The following ZNF385B variants were observed in gnomAD, a reference collection of about 807,000 sequenced individuals.
The protein encoded by ZNF385B is zinc finger protein 533.
Under a neutral mutation model 39.2 loss-of-function variants are expected in ZNF385B, and 23 were observed. That is an observed-to-expected ratio of 0.59 (90% confidence interval 0.42 to 0.83). The LOEUF (loss-of-function observed/expected upper bound fraction) is 0.83, where lower values mean the gene tolerates loss of function less well. Ranked by LOEUF, ZNF385B falls within the 40% of genes least tolerant of loss-of-function variation. The pLI, the probability that ZNF385B is intolerant of heterozygous loss-of-function variation, is 0.00. For missense variants in ZNF385B, 552 were observed against 598.9 expected (o/e 0.92, Z 0.82); for synonymous variants, 205 against 222.6 (o/e 0.92, Z 0.70).
chr2:179,684,046 T>C (rs1055840412), intron 3 of ZNF385B, among the ~76,000 whole-genome samples: 2 of 152,188 alleles, frequency 1.3e-5, no homozygotes, highest in Non-Finnish European at 2.9e-5. Flanking sequence ...TTCTCATTTC[T>C]GAAAGATGGA....
At chr2:179,661,445 G>A (rs1694461574) in intron 3 of ZNF385B, among the ~76,000 whole-genome samples, 1 of 152,150 alleles carries the variant, frequency 6.6e-6, no homozygotes, top group Admixed American at 6.6e-5. Context: ...AGACTTCTCA[G>A]CCTCTATAAT....
intron 3 of ZNF385B, among the ~76,000 whole-genome samples, chr2:179,683,477 ATT>A (rs769818144): frequency 2.9e-4 from 41 of 141,100 alleles, no homozygotes; most frequent in Admixed American, 3.6e-4. Flanking sequence ...ACATTTTTGA[ATT>A]TTTTTTTTTT....
intron 5 of ZNF385B, among the ~76,000 whole-genome samples, chr2:179,516,844 G>C (rs1419761805): frequency 1.3e-5 from 2 of 149,768 alleles, no homozygotes; most frequent in African/African-American, 4.8e-5. Flanking sequence ...ATTTTCTACT[G>C]TTTTCATCTA....
intron 4 of ZNF385B, among the ~76,000 whole-genome samples, chr2:179,523,989 G>C (rs1174893031): frequency 1.3e-5 from 2 of 151,510 alleles, no homozygotes; most frequent in Non-Finnish European, 2.9e-5. Flanking sequence ...ATAGAGACAG[G>C]GTCTCACTAT....
chr2:179,814,182 C>T (rs373155612), intron 1 of ZNF385B: 188 of 170,618 alleles, frequency 1.1e-3, no homozygotes, highest in African/African-American at 4.2e-3. Context: ...AGTGAGGGGC[C>T]GGCTGTGCTT....
intron 5 of ZNF385B, among the ~76,000 whole-genome samples, chr2:179,506,100 A>G (rs879049058): frequency 6.6e-6 from 1 of 152,100 alleles, no homozygotes; most frequent in Admixed American, 6.5e-5. Flanking sequence ...CTCTACATCC[A>G]TTTAGTATAA....
intron 3 of ZNF385B, among the ~76,000 whole-genome samples, chr2:179,765,929 C>T (rs922685550): frequency 4.6e-5 from 7 of 151,908 alleles, no homozygotes; most frequent in Non-Finnish European, 8.8e-5. Flanking sequence ...CTCTCTTTCA[C>T]CGCCCAGAGT....
At chr2:179,503,049 A>AT (rs2056908275) in intron 5 of ZNF385B, among the ~76,000 whole-genome samples, 1 of 151,944 alleles carries the variant, frequency 6.6e-6, no homozygotes, top group Non-Finnish European at 1.5e-5. Context: ...TAATTTTTGT[A>AT]TTTTTTATAG....
intron 3 of ZNF385B, among the ~76,000 whole-genome samples, chr2:179,745,496 A>T (rs186175766): frequency 1.3e-5 from 2 of 152,314 alleles, no homozygotes; most frequent in Admixed American, 1.3e-4. Context: ...CAGCTAGCAC[A>T]GAAAGAAAGG....
At chr2:179,667,129 C>T (rs1695267896) in intron 3 of ZNF385B, among the ~76,000 whole-genome samples, 1 of 152,084 alleles carries the variant, frequency 6.6e-6, no homozygotes, top group Non-Finnish European at 1.5e-5. Context: ...TGCCCTCTTC[C>T]CCCCACCAAA....
intron 3 of ZNF385B, among the ~76,000 whole-genome samples, chr2:179,670,948 A>C (rs929896673): frequency 2.0e-5 from 3 of 152,220 alleles, no homozygotes; most frequent in Non-Finnish European, 4.4e-5. Flanking sequence ...GTGACCTTGG[A>C]AAAGTCACTT....
At position 179,705,223 on chromosome 2, in the gene ZNF385B, C is replaced by CATTGAGAGT. The variant is rs529671321; in HGVS notation, c.298+64279_298+64280insACTCTCAAT. On this transcript the variant is annotated intron_variant, in intron 3 of 9. Transcript: ENST00000410066. ...CTCCTGGGCCCCTCTCAATGAGTACCACTCATCTCTGGGCTAGGAGTGGGT... is the reference window on the plus strand; with the variant it reads ...CTCCTGGGCCCCTCTCAATGAGTACCATTGAGAGTACTCATCTCTGGGCTAGGAGTGGGT... Among the ~76,000 whole-genome samples, 261 of 152,278 alleles carry CATTGAGAGT rather than the reference C, an allele frequency of 1.7e-3. 1 individual carries two copies. The highest frequency in any genetic ancestry group is 6.8e-3 in the Middle Eastern group (2 of 294).
At chr2:179,752,296 G>T (rs905958038) in intron 3 of ZNF385B, among the ~76,000 whole-genome samples, 3 of 152,116 alleles carry the variant, frequency 2.0e-5, no homozygotes, top group African/African-American at 7.2e-5. Flanking sequence ...AGTATTCCAT[G>T]GTGTATATAT....
In ZNF385B at chr2:179,443,467, G is replaced by A; in HGVS notation, c.1244C>T (p.Ala415Val). The change falls in exon 10 of 10, where the codon GCA becomes GTA. Residue 415 changes from alanine (A) to valine (V), a missense_variant and splice_region_variant. Ala to Val is a moderately conservative substitution (Grantham distance 64). Transcript: ENST00000410066. ...CATATCTTTCTGGAATGCAAGTTTT[G>A]CCTAAGGGAGGGAGAAAACCAGGAA... is the stretch of plus-strand genomic sequence containing the variant. ...KLQRSPSILA[A>V]KLAFQKDMMK... 1.3e-6 allele frequency: 2 copies of A among 1,589,688 alleles called. No homozygotes were observed. Among genetic ancestry groups the A allele is most frequent in the Non-Finnish European group, 1.7e-6 (2 of 1,167,396 alleles).
intron 3 of ZNF385B, among the ~76,000 whole-genome samples, chr2:179,696,807 T>C (rs1463264767): frequency 6.6e-6 from 1 of 152,226 alleles, no homozygotes; most frequent in Non-Finnish European, 1.5e-5. Flanking sequence ...AACATTGATA[T>C]ACTAGGTTTG....
chr2:179,671,226 A>T (rs1226493486), intron 3 of ZNF385B, among the ~76,000 whole-genome samples: 1 of 152,144 alleles, frequency 6.6e-6, no homozygotes, highest in Non-Finnish European at 1.5e-5. Context: ...GGCTTTTCTT[A>T]TGCTCCTCCC....
chr2:179,828,390 G>C (rs1707793591), intron 1 of ZNF385B, among the ~76,000 whole-genome samples: 1 of 152,084 alleles, frequency 6.6e-6, no homozygotes, highest in Non-Finnish European at 1.5e-5. Flanking sequence ...CCTTCACCAT[G>C]AGCCCACCAT....
intron 1 of ZNF385B, among the ~76,000 whole-genome samples, chr2:179,856,756 G>A: frequency 6.6e-6 from 1 of 152,054 alleles, no homozygotes; most frequent in East Asian, 1.9e-4. Flanking sequence ...AATGTAGTAA[G>A]GAGAACTAGC....
intron 4 of ZNF385B, among the ~76,000 whole-genome samples, chr2:179,525,875 T>C (rs1372006135): frequency 6.6e-6 from 1 of 152,166 alleles, no homozygotes; most frequent in Non-Finnish European, 1.5e-5. Flanking sequence ...ATTTAAAGAC[T>C]CTGACCATAT....
Sources: allele counts gnomAD v4.1 joint callset (sites outside exome capture counted in the v4.1 genomes callset), GRCh38; gene constraint gnomAD v4.1.1; transcripts MANE v1.5; gene names NCBI Gene and HGNC (gene_info 2026-07-23, HGNC 2026-07-21).